Variants in SLC44A5 observed in about 807,000 individuals in gnomAD.
The protein encoded by SLC44A5 is solute carrier family 44 member 5, also known as choline transporter-like protein 5.
SLC44A5 carries 57 observed loss-of-function variants against 101.8 expected under a neutral mutation model. The observed-to-expected ratio is 0.56, with a 90% CI of 0.45 to 0.70. The LOEUF (loss-of-function observed/expected upper bound fraction) is 0.70. Among genes scored for constraint, SLC44A5 ranks in the 30% least tolerant of loss-of-function variants. SLC44A5 has a pLI of 0.00. For missense variants in SLC44A5, 737 were observed against 853.1 expected, an observed-to-expected ratio of 0.86 and a Z score of 1.70; for synonymous variants, 281 against 290.9, an observed-to-expected ratio of 0.97 and a Z score of 0.35.
chr1:75,629,653 A>G, the SLC44A5 span, among the ~76,000 whole-genome samples: 1 of 152,188 alleles, frequency 6.6e-6, no homozygotes, highest in Non-Finnish European at 1.5e-5. Flanking sequence ...TTTAAAAGAT[A>G]AAAAGAAGGG....
At chr1:75,450,404 C>T (rs1665837867) in intron 2 of SLC44A5, among the ~76,000 whole-genome samples, 1 of 152,226 alleles carries the variant, frequency 6.6e-6, no homozygotes, top group South Asian at 2.1e-4. Context: ...CATACAAAAT[C>T]AGCCATTCTT....
At chr1:75,365,245 C>T (rs960532586) in intron 3 of SLC44A5, among the ~76,000 whole-genome samples, 9 of 152,028 alleles carry the variant, frequency 5.9e-5, no homozygotes, top group Non-Finnish European at 2.9e-5. Context: ...AGGGGGTTGG[C>T]TGTACAGATT....
At chr1:75,222,522 T>G in intron 13 of SLC44A5, 62 bp from the exon 14 acceptor site, 1 of 958,562 alleles carries the variant, frequency 1.0e-6, no homozygotes, top group Non-Finnish European at 1.7e-6. Context: ...AAACCTTCCC[T>G]GCAAATGCTA....
chr1:75,467,186 C>A (rs1313903993), intron 2 of SLC44A5, among the ~76,000 whole-genome samples: 1 of 151,828 alleles, frequency 6.6e-6, no homozygotes, highest in Non-Finnish European at 1.5e-5. Context: ...TAAGAGGACA[C>A]CAAGAAATAG....
chr1:75,663,233 T>A, the SLC44A5 span, among the ~76,000 whole-genome samples: 1 of 152,104 alleles, frequency 6.6e-6, no homozygotes, highest in Admixed American at 6.6e-5. Flanking sequence ...AGATGGGCTT[T>A]TGGAAGGTAA....
chr1:75,498,232 G>T (rs1272829209), intron 2 of SLC44A5, among the ~76,000 whole-genome samples: 3 of 152,010 alleles, frequency 2.0e-5, no homozygotes, highest in Admixed American at 1.3e-4. Context: ...CTGGTTTTAG[G>T]TCTATGTTTC....
intron 9 of SLC44A5, among the ~76,000 whole-genome samples, chr1:75,239,540 GATTTTCTTGT>G (rs970441684): frequency 2.0e-5 from 3 of 151,988 alleles, no homozygotes; most frequent in Non-Finnish European, 2.9e-5. Flanking sequence ...GGCTTAAAAG[GATTTTCTTGT>G]CTGCTCACCT....
At chr1:75,407,834 T>C (rs1662981481) in intron 2 of SLC44A5, among the ~76,000 whole-genome samples, 1 of 152,124 alleles carries the variant, frequency 6.6e-6, no homozygotes, top group Non-Finnish European at 1.5e-5. Context: ...CCAAAAGCAA[T>C]GCCAACAAAA....
intron 1 of SLC44A5, among the ~76,000 whole-genome samples, chr1:75,572,901 TCG>T (rs1168766452): frequency 1.3e-5 from 2 of 151,924 alleles, no homozygotes; most frequent in African/African-American, 4.8e-5. Context: ...GGCAGGCAGA[TCG>T]CCTGAGATCA....
chr1:75,379,996 T>C (rs1660840365), intron 3 of SLC44A5, among the ~76,000 whole-genome samples: 1 of 83,780 alleles, frequency 1.2e-5, no homozygotes, highest in Non-Finnish European at 2.1e-5. Context: ...CTAAATTTGA[T>C]AAAAATGGGC....
chr1:75,268,700 C>T (rs1415818822), intron 6 of SLC44A5, among the ~76,000 whole-genome samples: 1 of 152,052 alleles, frequency 6.6e-6, no homozygotes, highest in Non-Finnish European at 1.5e-5. Context: ...AGTGTACAAA[C>T]ATACCAACAA....
upstream of SLC44A5, among the ~76,000 whole-genome samples, chr1:75,615,310 T>C (rs1570749339): frequency 2.7e-5 from 4 of 149,984 alleles, no homozygotes; most frequent in African/African-American, 9.9e-5. Flanking sequence ...AGGATGGAGG[T>C]TGGGGAAATG....
At chr1:75,612,992 T>C (rs1440038565), upstream of SLC44A5, among the ~76,000 whole-genome samples, 2 of 152,206 alleles carry the variant, frequency 1.3e-5, no homozygotes, top group African/African-American at 2.4e-5. Context: ...CACAAATGAA[T>C]GCTAATGTCC....
intron 3 of SLC44A5, among the ~76,000 whole-genome samples, chr1:75,353,198 CA>C (rs1215849878): frequency 6.6e-6 from 1 of 152,062 alleles, no homozygotes; most frequent in East Asian, 1.9e-4. Flanking sequence ...ACAAGAAATC[CA>C]AAACATGTTA....
the SLC44A5 span, among the ~76,000 whole-genome samples, chr1:75,626,669 G>A: frequency 9.6e-4 from 146 of 151,998 alleles, no homozygotes; most frequent in Non-Finnish European, 1.9e-3. Flanking sequence ...TTTTTCATTA[G>A]CTCAGTCCCT....
intron 2 of SLC44A5, among the ~76,000 whole-genome samples, chr1:75,515,485 G>C (rs949541524): frequency 6.6e-6 from 1 of 152,118 alleles, no homozygotes; most frequent in African/African-American, 2.4e-5. Context: ...GCTTCTGTTA[G>C]TTCAACTGTT....
At chr1:75,636,577 G>A in the SLC44A5 span, among the ~76,000 whole-genome samples, 1 of 152,092 alleles carries the variant, frequency 6.6e-6, no homozygotes, top group Admixed American at 6.6e-5. Context: ...ACAACACTGT[G>A]CCTGAGGAAC....
the SLC44A5 span, among the ~76,000 whole-genome samples, chr1:75,619,316 C>T: frequency 6.6e-6 from 1 of 151,922 alleles, no homozygotes; most frequent in Non-Finnish European, 1.5e-5. Context: ...ATTTATGGGA[C>T]CACTGTCATA....
rs1647027018 is a variant in SLC44A5, at chr1:75,219,283, G to A, written c.1240C>T (p.His414Tyr). 1 of 1,612,694 alleles carries A rather than the reference G, an allele frequency of 6.2e-7. No homozygotes were observed. Among genetic ancestry groups the A allele is most frequent in the Admixed American group, 1.7e-5 (1 of 59,958 alleles). ...TCTGGGTCACAGGTTTGATTTTCAT[G>A]TATACAATGCCCCCCTGGAGCTATG... Reference protein sequence around the residue: ...KVIAPGGHCIHENQTCDPEIF... With the variant: ...KVIAPGGHCIYENQTCDPEIF... The change falls in exon 16 of 24, where the codon CAT becomes TAT. Residue 414 changes from histidine (H) to tyrosine (Y), a missense_variant. By Grantham distance (83) the His-to-Tyr change is moderately conservative (BLOSUM62 2). This residue lies in a region of SLC44A5 where 665 missense variants were observed against 764.4 expected (regional missense o/e 0.87). Coordinates refer to ENST00000370859, the MANE Select transcript of SLC44A5 (RefSeq NM_001130058.2).
Sources: gnomAD v4.1 joint callset for allele counts (sites outside exome capture counted in the v4.1 genomes callset) on GRCh38, gnomAD v4.1.1 for gene constraint, gnomAD v4.1.1 regional missense constraint, MANE v1.5 for transcripts, NCBI Gene and HGNC (gene_info 2026-07-23, HGNC 2026-07-21) for gene names.